TTLL11: variants seen among roughly 807,000 people sequenced by gnomAD.
TTLL11 encodes tubulin tyrosine ligase like 11.
A neutral mutation model predicts 51.7 loss-of-function variants in TTLL11; 42 were observed. That is an observed-to-expected ratio of 0.81 (90% CI 0.64 to 1.05). TTLL11 has a LOEUF of 1.05. TTLL11 is among the 50% of genes least tolerant of loss of function. The probability of loss-of-function intolerance (pLI) is 0.00; values close to 1 mark genes in which losing one functional copy is unlikely to be tolerated. For missense variants in TTLL11, 799 were observed against 940.4 expected, an observed-to-expected ratio of 0.85 and a Z score of 1.97; for synonymous variants, 381 against 383.5, an observed-to-expected ratio of 0.99 and a Z score of 0.08.
intron 6 of TTLL11, among the ~76,000 whole-genome samples, chr9:121,902,427 C>G (rs1298482263): frequency 3.3e-5 from 5 of 152,184 alleles, no homozygotes; most frequent in Non-Finnish European, 7.3e-5. Context: ...CGAGGCATTT[C>G]CCTCTAAGCA....
At position 122,015,823 on chromosome 9, in the gene TTLL11, AG is replaced by A. The variant is rs202024713; in HGVS notation, c.693+15899del. 6.9e-3 allele frequency among the ~76,000 whole-genome samples: 1,012 copies of A among 147,508 alleles called. 20 individuals carry two copies. Among genetic ancestry groups the A allele is most frequent in the African/African-American group, 0.026 (982 of 38,452 alleles). On this transcript the variant is annotated intron_variant, in intron 3 of 8. Transcript: ENST00000321582. Reference sequence around the variant, plus strand: ...CAAAAGAGACAAAAAAAAAAAAAAAAGAAAGAAAGTAAACCACAGCATATGT... The same window carrying A: ...CAAAAGAGACAAAAAAAAAAAAAAAAAAAGAAAGTAAACCACAGCATATGT...
At chr9:122,009,674 G>GTATA (rs34586061) in intron 3 of TTLL11, among the ~76,000 whole-genome samples, 6 of 148,876 alleles carry the variant, frequency 4.0e-5, no homozygotes, top group South Asian at 2.1e-4. Context: ...AATGAATGTT[G>GTATA]TATATATATA....
chr9:122,007,506 A>T (rs909710537), intron 3 of TTLL11, among the ~76,000 whole-genome samples: 1 of 151,976 alleles, frequency 6.6e-6, no homozygotes, highest in East Asian at 1.9e-4. Flanking sequence ...AAGAAAAGAA[A>T]AAAAAAAGGA....
At chr9:121,829,808 CACACACCA>C (rs759779209) in intron 8 of TTLL11, among the ~76,000 whole-genome samples, 1 of 150,642 alleles carries the variant, frequency 6.6e-6, no homozygotes, top group East Asian at 2.0e-4. Context: ...CACACACACA[CACACACCA>C]CACACACACA....
chr9:121,999,356 C>T (rs867910591), intron 3 of TTLL11, among the ~76,000 whole-genome samples: 1 of 152,146 alleles, frequency 6.6e-6, no homozygotes, highest in African/African-American at 2.4e-5. Context: ...AAATATGACA[C>T]GTCCAAAACT....
chr9:121,926,581 G>A (rs1323065053), intron 6 of TTLL11, among the ~76,000 whole-genome samples: 2 of 152,346 alleles, frequency 1.3e-5, no homozygotes, highest in Non-Finnish European at 2.9e-5. Context: ...CTGAGGCTGG[G>A]GAGGACAGCA....
intron 6 of TTLL11, among the ~76,000 whole-genome samples, chr9:121,938,530 A>C (rs1275945182): frequency 2.0e-5 from 3 of 152,236 alleles, no homozygotes; most frequent in Non-Finnish European, 4.4e-5. Flanking sequence ...TGTATAACTC[A>C]TAAAACCATC....
intron 8 of TTLL11, among the ~76,000 whole-genome samples, chr9:121,840,738 G>A (rs1837324611): frequency 1.3e-5 from 2 of 152,198 alleles, no homozygotes; most frequent in South Asian, 4.1e-4. Flanking sequence ...AGGCCACGTG[G>A]CCTGTGTCCA....
At chr9:121,824,718 G>A (rs181029348) in intron 8 of TTLL11, among the ~76,000 whole-genome samples, 11 of 152,220 alleles carry the variant, frequency 7.2e-5, no homozygotes, top group Non-Finnish European at 1.5e-4. Context: ...GGGCTCTTCG[G>A]GAAAGGTGAC....
intron 8 of TTLL11, among the ~76,000 whole-genome samples, chr9:121,838,683 C>T (rs1316387160): frequency 6.6e-6 from 1 of 151,896 alleles, no homozygotes; most frequent in African/African-American, 2.4e-5. Flanking sequence ...TGTGCCACTG[C>T]ACTCCAGACT....
intron 1 of TTLL11, among the ~76,000 whole-genome samples, chr9:122,066,634 T>C (rs905428040): frequency 6.6e-6 from 1 of 152,170 alleles, no homozygotes; most frequent in Non-Finnish European, 1.5e-5. Context: ...CCACAGAATC[T>C]CTCAGAAGCA....
At chr9:121,897,474 G>A (rs1037891947) in intron 6 of TTLL11, among the ~76,000 whole-genome samples, 1 of 151,882 alleles carries the variant, frequency 6.6e-6, no homozygotes, top group African/African-American at 2.4e-5. Context: ...TCAGTGCTCC[G>A]GCCATCATCT....
intron 8 of TTLL11, among the ~76,000 whole-genome samples, chr9:121,831,571 G>C (rs117209153): frequency 0.054 from 8,176 of 152,058 alleles, 310 homozygotes; most frequent in Non-Finnish European, 0.081. Flanking sequence ...ATGGTGGCAG[G>C]TGCCTGTAAT....
chr9:121,815,733 A>G lies in TTLL11; in HGVS notation c.*6854T>C, dbSNP rs915062337. The G allele has an allele frequency of 6.6e-6, 1 of 152,124 alleles. No homozygotes were observed. Among genetic ancestry groups the G allele is most frequent in the African/African-American group, 2.4e-5 (1 of 41,438 alleles). 9.4% of individuals were successfully genotyped at this position (152,124 alleles called of 1,614,324 possible). Reference sequence around the variant, plus strand: ...CAGCTTCGTTTTATTATTGCGTTTTATGAAGTTGCCAAGACAACTGAGGCC... The same window carrying G: ...CAGCTTCGTTTTATTATTGCGTTTTGTGAAGTTGCCAAGACAACTGAGGCC... On this transcript the variant is annotated 3_prime_UTR_variant, in exon 9 of 9. Transcript: ENST00000321582.
intron 3 of TTLL11, among the ~76,000 whole-genome samples, chr9:122,019,484 T>C (rs1844100399): frequency 6.6e-6 from 1 of 152,204 alleles, no homozygotes; most frequent in East Asian, 1.9e-4. Context: ...GGTTTCACTC[T>C]GTTTGCCCAG....
intron 6 of TTLL11, among the ~76,000 whole-genome samples, chr9:121,954,601 C>G (rs764417995): frequency 6.6e-6 from 1 of 152,110 alleles, no homozygotes; most frequent in Non-Finnish European, 1.5e-5. Context: ...GCAAACCTTT[C>G]TCTTCAGAAG....
intron 3 of TTLL11, among the ~76,000 whole-genome samples, chr9:122,012,394 CT>C (rs1219481258): frequency 6.6e-6 from 1 of 151,894 alleles, no homozygotes; most frequent in Non-Finnish European, 1.5e-5. Flanking sequence ...AAAATGTTTA[CT>C]TCTCCTACTT....
At chr9:122,002,226 G>A (rs577225194) in intron 3 of TTLL11, among the ~76,000 whole-genome samples, 2 of 152,312 alleles carry the variant, frequency 1.3e-5, no homozygotes, top group South Asian at 4.1e-4. Context: ...CATTTGCAAG[G>A]AAACCTCTCT....
At chr9:121,833,636 G>C (rs1016476291) in intron 8 of TTLL11, among the ~76,000 whole-genome samples, 1 of 152,142 alleles carries the variant, frequency 6.6e-6, no homozygotes, top group Non-Finnish European at 1.5e-5. Context: ...TAAGTGGCTT[G>C]TCAAGGTCAT....
Sources: allele counts gnomAD v4.1 joint callset (sites outside exome capture counted in the v4.1 genomes callset), GRCh38; gene constraint gnomAD v4.1.1; transcripts MANE v1.5; gene names NCBI Gene and HGNC (gene_info 2026-07-23, HGNC 2026-07-21).